WDR70: variants seen among roughly 807,000 people sequenced by gnomAD.
WDR70 encodes the protein WD repeat domain 70, also known as WD repeat-containing protein 70.
Under a neutral mutation model 88.6 loss-of-function variants are expected in WDR70, and 53 were observed. The observed-to-expected ratio is 0.60, with a 90% CI of 0.48 to 0.75. The LOEUF is 0.75. Ranked by LOEUF, WDR70 falls within the 30% of genes least tolerant of loss-of-function variation. The pLI, the probability that WDR70 is intolerant of heterozygous loss-of-function variation, is 0.00. For missense variants in WDR70, 610 were observed against 823.2 expected (o/e 0.74, Z 3.17); for synonymous variants, 280 against 270.0 (o/e 1.04, Z -0.36).
At chr5:37,664,984 TA>T (rs1288130773) in intron 10 of WDR70, among the ~76,000 whole-genome samples, 3 of 152,226 alleles carry the variant, frequency 2.0e-5, no homozygotes, top group Admixed American at 2.0e-4. Context: ...GCTAGTGACT[TA>T]ATAAGATGGT....
chr5:37,699,321 C>T (rs948968223), intron 11 of WDR70, among the ~76,000 whole-genome samples: 1 of 130,700 alleles, frequency 7.7e-6, no homozygotes, highest in African/African-American at 3.0e-5. Context: ...TCTTACTTTC[C>T]TTTCCATCAT....
chr5:37,475,208 C>T (rs62358979), intron 7 of WDR70, among the ~76,000 whole-genome samples: 76 of 151,150 alleles, frequency 5.0e-4, no homozygotes, highest in African/African-American at 1.8e-3. Flanking sequence ...GTGTGAGCCA[C>T]GGTACCCATC....
intron 10 of WDR70, among the ~76,000 whole-genome samples, chr5:37,641,557 C>T (rs141896195): frequency 2.6e-4 from 40 of 152,006 alleles, no homozygotes; most frequent in Admixed American, 5.2e-4. Context: ...GCTGGGATTA[C>T]AGACATGTGC....
At chr5:37,501,919 A>G (rs1214477383) in intron 8 of WDR70, among the ~76,000 whole-genome samples, 5 of 152,116 alleles carry the variant, frequency 3.3e-5, no homozygotes, top group Non-Finnish European at 5.9e-5. Context: ...TGCTTTGGCT[A>G]TTCAGGCTCT....
At chr5:37,745,530 C>T (rs1407652763) in intron 17 of WDR70, among the ~76,000 whole-genome samples, 2 of 151,324 alleles carry the variant, frequency 1.3e-5, no homozygotes, top group Non-Finnish European at 2.9e-5. Context: ...ATTCAGGAGC[C>T]CCATCTTATG....
At chr5:37,543,324 A>G (rs1156536436) in intron 9 of WDR70, among the ~76,000 whole-genome samples, 4 of 152,188 alleles carry the variant, frequency 2.6e-5, no homozygotes, top group Non-Finnish European at 5.9e-5. Context: ...TTGTAAACTG[A>G]TACAGTGATA....
At position 37,675,925 on chromosome 5, in the gene WDR70, A is replaced by C. The variant is rs911861736; in HGVS notation, c.1093-21730A>C. The stretch of plus-strand genomic sequence containing the variant: ...TTTATTTCATGGAGCAGTGGTTTGT[A>C]GTTCTCCTTGAAGAGGTCCTTCACG... On this transcript the variant is annotated intron_variant, in intron 10 of 17. Coordinates refer to ENST00000265107, the MANE Select transcript of WDR70 (RefSeq NM_018034.4). Among the ~76,000 whole-genome samples, 57 of 152,046 alleles carry C rather than the reference A, an allele frequency of 3.7e-4. 4 individuals are homozygous for C.
At chr5:37,666,177 G>T (rs1254657098) in intron 10 of WDR70, among the ~76,000 whole-genome samples, 1 of 152,226 alleles carries the variant, frequency 6.6e-6, no homozygotes, top group East Asian at 1.9e-4. Flanking sequence ...TGTTGGCATG[G>T]TGGCTTTCCT....
chr5:37,641,749 C>T (rs979500317), intron 10 of WDR70, among the ~76,000 whole-genome samples: 1 of 152,060 alleles, frequency 6.6e-6, no homozygotes, highest in African/African-American at 2.4e-5. Context: ...ATTTTCTCCT[C>T]CAGCCTATCC....
chr5:37,549,559 A>T (rs191508161), intron 9 of WDR70, among the ~76,000 whole-genome samples: 1 of 152,202 alleles, frequency 6.6e-6, no homozygotes, highest in East Asian at 1.9e-4. Context: ...TTTTGCAAAC[A>T]TAAGATTATA....
intron 10 of WDR70, among the ~76,000 whole-genome samples, chr5:37,635,396 CCTT>C (rs1223020212): frequency 6.6e-6 from 1 of 152,168 alleles, no homozygotes; most frequent in African/African-American, 2.4e-5. Flanking sequence ...CTTGACCTCT[CCTT>C]GCCTCAGTTT....
intron 10 of WDR70, among the ~76,000 whole-genome samples, chr5:37,612,705 A>C (rs1744221971): frequency 6.6e-6 from 1 of 152,196 alleles, no homozygotes; most frequent in Non-Finnish European, 1.5e-5. Flanking sequence ...GGTTTGGTTT[A>C]GGAGGATAAA....
At position 37,437,986 on chromosome 5, in the gene WDR70, G is replaced by C; in HGVS notation, c.552+5G>C. On this transcript the variant is annotated splice_donor_5th_base_variant and intron_variant, in intron 6 of 17. Coordinates refer to ENST00000265107, the MANE Select transcript of WDR70 (RefSeq NM_018034.4). ...CTGAAGCATGGCACTAAAACAGTAA[G>C]TTTAAAAATCTAGTTTTTTCCTCTC... The C allele has an allele frequency of 6.2e-7, 1 of 1,606,546 alleles. No homozygotes were observed. The highest frequency in any genetic ancestry group is 2.2e-5 in the East Asian group (1 of 44,616).
chr5:37,475,223 T>A (rs1009609261), intron 7 of WDR70, among the ~76,000 whole-genome samples: 1 of 149,374 alleles, frequency 6.7e-6, no homozygotes, highest in Non-Finnish European at 1.5e-5. Context: ...CCCATCCTTG[T>A]TCCTTGATTT....
At chr5:37,682,014 C>T (rs929542813) in intron 10 of WDR70, among the ~76,000 whole-genome samples, 1 of 152,092 alleles carries the variant, frequency 6.6e-6, no homozygotes, top group Non-Finnish European at 1.5e-5. Flanking sequence ...GGTACTAACT[C>T]TTCTTGTACA....
intron 10 of WDR70, among the ~76,000 whole-genome samples, chr5:37,648,871 T>C (rs953481253): frequency 6.6e-6 from 1 of 152,246 alleles, no homozygotes; most frequent in Non-Finnish European, 1.5e-5. Flanking sequence ...CTTTTAACAT[T>C]CATTGATCCT....
At position 37,489,793 on chromosome 5, in the gene WDR70, A is replaced by AT. The variant is rs112647607; in HGVS notation, c.840+9817dup. ...CACTCAGGGGGTGACAGTGTCAGGC[A>AT]TTTTTTTTTTTATTATTATACTTTA... On this transcript the variant is annotated intron_variant, in intron 8 of 17. Transcript: ENST00000265107. Among the ~76,000 whole-genome samples, 134 of 146,190 alleles carry AT rather than the reference A, an allele frequency of 9.2e-4. 2 individuals carry two copies. The highest frequency in any genetic ancestry group is 2.6e-3 in the East Asian group (13 of 5,026).
chr5:37,429,344 A>T (rs1004971834), intron 5 of WDR70, among the ~76,000 whole-genome samples: 1 of 152,062 alleles, frequency 6.6e-6, no homozygotes, highest in Non-Finnish European at 1.5e-5. Context: ...GAGGATAGAA[A>T]TTTTAAATTT....
chr5:37,684,119 A>G (rs2112623061), intron 10 of WDR70, among the ~76,000 whole-genome samples: 1 of 151,856 alleles, frequency 6.6e-6, no homozygotes, highest in East Asian at 1.9e-4. Context: ...TTCTTTCTTC[A>G]TTTTGGTCTA....
Sources: allele counts gnomAD v4.1 joint callset (sites outside exome capture counted in the v4.1 genomes callset), GRCh38; gene constraint gnomAD v4.1.1; transcripts MANE v1.5; gene names NCBI Gene and HGNC (gene_info 2026-07-23, HGNC 2026-07-21).